The following MBD5 variants were observed in gnomAD, a reference collection of about 807,000 sequenced individuals.
MBD5 encodes the protein methyl-CpG-binding domain protein 5.
A neutral mutation model predicts 117.3 loss-of-function variants in MBD5; 13 were observed. That is an observed-to-expected ratio of 0.11 (90% CI 0.07 to 0.18). The LOEUF (loss-of-function observed/expected upper bound fraction) is 0.18. MBD5 is among the 10% of genes least tolerant of loss of function. MBD5 has a pLI of 1.00. For missense variants in MBD5, 1,879 were observed against 2,093.8 expected, an observed-to-expected ratio of 0.90 and a Z score of 2.00; for synonymous variants, 727 against 766.4, an observed-to-expected ratio of 0.95 and a Z score of 0.85.
At chr2:148,212,086 G>A (rs1699437711) in intron 2 of MBD5, among the ~76,000 whole-genome samples, 1 of 152,126 alleles carries the variant, frequency 6.6e-6, no homozygotes, top group African/African-American at 2.4e-5. Flanking sequence ...CAGCTTTATT[G>A]AGATATAATT....
At chr2:148,410,742 A>T (rs1277605911) in intron 4 of MBD5, among the ~76,000 whole-genome samples, 5 of 152,322 alleles carry the variant, frequency 3.3e-5, no homozygotes, top group Middle Eastern at 6.8e-3. Flanking sequence ...GAGCCACTGC[A>T]CCTGGCCAGG....
chr2:148,131,868 T>C (rs1301461484), intron 1 of MBD5, among the ~76,000 whole-genome samples: 3 of 152,312 alleles, frequency 2.0e-5, no homozygotes, highest in African/African-American at 4.8e-5. Context: ...TGGGATGTTA[T>C]CATCTTTTCA....
chr2:148,362,499 C>G (rs1237315495), intron 4 of MBD5, among the ~76,000 whole-genome samples: 1 of 152,142 alleles, frequency 6.6e-6, no homozygotes, highest in Non-Finnish European at 1.5e-5. Flanking sequence ...GGGACATATA[C>G]ATAAAACTCC....
chr2:148,230,150 A>G (rs899444009), intron 2 of MBD5, among the ~76,000 whole-genome samples: 1 of 151,850 alleles, frequency 6.6e-6, no homozygotes, highest in Admixed American at 6.6e-5. Context: ...CGGGTTCCCC[A>G]AGTCCCTGGG....
intron 4 of MBD5, among the ~76,000 whole-genome samples, chr2:148,426,481 C>T (rs1428397476): frequency 1.5e-4 from 23 of 151,716 alleles, no homozygotes; most frequent in African/African-American, 5.6e-4. Flanking sequence ...AGAACAGAGC[C>T]CTCAGAAATA....
intron 1 of MBD5, among the ~76,000 whole-genome samples, chr2:148,048,329 A>G (rs902991421): frequency 6.6e-6 from 1 of 152,090 alleles, no homozygotes; most frequent in Non-Finnish European, 1.5e-5. Context: ...TATTTAAGAA[A>G]TTGTTTTTTA....
chr2:148,405,551 C>A (rs916570470), intron 4 of MBD5, among the ~76,000 whole-genome samples: 1 of 152,126 alleles, frequency 6.6e-6, no homozygotes, highest in Admixed American at 6.5e-5. Context: ...AACAGGATGA[C>A]TGGAGGGTCA....
chr2:148,484,376 T>C (rs1681268157), intron 9 of MBD5, among the ~76,000 whole-genome samples: 1 of 152,198 alleles, frequency 6.6e-6, no homozygotes, highest in Admixed American at 6.5e-5. Flanking sequence ...TGCTTTCTCT[T>C]CTAATTCTGA....
intron 4 of MBD5, among the ~76,000 whole-genome samples, chr2:148,358,187 A>C (rs1703436137): frequency 6.6e-6 from 1 of 152,174 alleles, no homozygotes; most frequent in Non-Finnish European, 1.5e-5. Flanking sequence ...TTTAACTAGA[A>C]GTCATTGAAA....
At chr2:148,363,175 T>C (rs983427127) in intron 4 of MBD5, among the ~76,000 whole-genome samples, 1 of 152,102 alleles carries the variant, frequency 6.6e-6, no homozygotes, top group African/African-American at 2.4e-5. Context: ...AGAAAGTGGG[T>C]AATAACACAC....
chr2:148,145,398 G>A (rs556865143), intron 1 of MBD5, among the ~76,000 whole-genome samples: 4 of 152,244 alleles, frequency 2.6e-5, no homozygotes, highest in East Asian at 1.9e-4. Context: ...CTGCTAACAC[G>A]GACAATGTGA....
chr2:148,366,591 C>T (rs1347281541), intron 4 of MBD5, among the ~76,000 whole-genome samples: 2 of 152,078 alleles, frequency 1.3e-5, no homozygotes, highest in Non-Finnish European at 2.9e-5. Context: ...TTGTCTCAGC[C>T]CAAAATCTCC....
chr2:148,298,503 T>C (rs534422955), intron 3 of MBD5, among the ~76,000 whole-genome samples: 11 of 152,338 alleles, frequency 7.2e-5, no homozygotes, highest in Admixed American at 7.2e-4. Context: ...ATTGGCTGTG[T>C]GCCCTGAAGA....
chr2:148,319,692 T>C (rs1029007045), intron 3 of MBD5, among the ~76,000 whole-genome samples: 2 of 152,224 alleles, frequency 1.3e-5, no homozygotes, highest in Non-Finnish European at 2.9e-5. Context: ...GATCATATCA[T>C]CAGTGAACAG....
chr2:148,060,318 A>C (rs1694999030), intron 1 of MBD5, among the ~76,000 whole-genome samples: 1 of 151,438 alleles, frequency 6.6e-6, no homozygotes, highest in Admixed American at 6.6e-5. Context: ...TCAAAGAAAA[A>C]GGAAAAGAAA....
intron 4 of MBD5, among the ~76,000 whole-genome samples, chr2:148,418,544 A>G (rs1574403393): frequency 6.6e-6 from 1 of 152,222 alleles, no homozygotes; most frequent in Admixed American, 6.5e-5. Context: ...TACAAAATCA[A>G]TATATACAAA....
chr2:148,156,251 G>T lies in MBD5; in HGVS notation c.-924-22449G>T, dbSNP rs1697870761. On this transcript the variant is annotated intron_variant, in intron 1 of 13. Transcript: ENST00000642680. The stretch of plus-strand genomic sequence containing the variant: ...GCTGACTTTAGATTAAATTTAAACT[G>T]TATAACATAGCACCTGAGGTGCTTT... 1.3e-5 allele frequency among the ~76,000 whole-genome samples: 2 copies of T among 152,200 alleles called. 1 individual carries two copies. Among genetic ancestry groups the T allele is most frequent in the South Asian group, 4.1e-4 (2 of 4,826 alleles).
At position 148,321,458 on chromosome 2, in the gene MBD5, G is replaced by A. The variant is rs944918207; in HGVS notation, c.-679-20756G>A. On this transcript the variant is annotated intron_variant, in intron 3 of 13. Transcript: ENST00000642680. The stretch of plus-strand genomic sequence containing the variant: ...AGACATTTGAATTGTGTCCTGTCAT[G>A]CAGATAGGTTCCCAAGGGCCATTTT... 4.6e-5 allele frequency among the ~76,000 whole-genome samples: 7 copies of A among 152,274 alleles called. No individual in the cohort carries two copies. In the East Asian group the frequency reaches 9.6e-4, roughly 21 times the overall value.
At chr2:148,493,066 C>T (rs533184445) in intron 11 of MBD5, among the ~76,000 whole-genome samples, 39 of 152,274 alleles carry the variant, frequency 2.6e-4, no homozygotes, top group African/African-American at 9.1e-4. Flanking sequence ...TACACTATGG[C>T]AATGCCTGAC....
Sources: gnomAD v4.1 joint callset for allele counts (sites outside exome capture counted in the v4.1 genomes callset) on GRCh38, gnomAD v4.1.1 for gene constraint, MANE v1.5 for transcripts, NCBI Gene and HGNC (gene_info 2026-07-23, HGNC 2026-07-21) for gene names.